Variants in MTA3 observed in about 807,000 individuals in gnomAD.
MTA3 encodes metastasis-associated protein MTA3.
A neutral mutation model predicts 83.5 loss-of-function variants in MTA3; 34 were observed. The ratio of observed to expected loss-of-function variants is 0.41; its 90% CI spans 0.31 to 0.54. MTA3 has a LOEUF of 0.54. MTA3 is among the 20% of genes least tolerant of loss of function. The pLI is 0.33. For missense variants in MTA3, 761 were observed against 726.4 expected, an observed-to-expected ratio of 1.05 and a Z score of -0.55; for synonymous variants, 303 against 252.7, an observed-to-expected ratio of 1.20 and a Z score of -1.89.
chr2:42,560,382 G>A (rs1401176370), intron 2 of MTA3, among the ~76,000 whole-genome samples: 1 of 151,550 alleles, frequency 6.6e-6, no homozygotes, highest in Non-Finnish European at 1.5e-5. Context: ...GGTGGTGGAC[G>A]CCTATAATCT....
chr2:42,629,946 C>A (rs989845871), intron 4 of MTA3, among the ~76,000 whole-genome samples: 1 of 151,894 alleles, frequency 6.6e-6, no homozygotes, highest in African/African-American at 2.4e-5. Flanking sequence ...ACCCGGCTAA[C>A]TTTTTTTGTA....
rs1048513339 is a variant in MTA3 at position 42,719,087 on chromosome 2, T to C, written c.1612+13T>C. 1 of 1,535,042 alleles carries C rather than the reference T, an allele frequency of 6.5e-7. No homozygotes were observed. The highest frequency in any genetic ancestry group is 8.8e-7 in the Non-Finnish European group (1 of 1,132,928). On this transcript the variant is annotated intron_variant, in intron 15 of 16. Transcript: ENST00000405094. Reference sequence around the variant, plus strand: ...ATTGGGTATTTAGGTGGGTATTTTCTAATAGAGGAAAAACTCAAAGAGCAA... The same window carrying C: ...ATTGGGTATTTAGGTGGGTATTTTCCAATAGAGGAAAAACTCAAAGAGCAA...
At chr2:42,709,304 C>T (rs1666401115) in intron 14 of MTA3, 3 of 1,394,122 alleles carry the variant, frequency 2.2e-6, no homozygotes, top group Admixed American at 3.2e-5. Context: ...AACATTGAAA[C>T]TTCTGTACTC....
intron 3 of MTA3, among the ~76,000 whole-genome samples, chr2:42,594,271 A>G (rs1681415274): frequency 7.8e-6 from 1 of 127,776 alleles, no homozygotes; most frequent in African/African-American, 3.0e-5. Context: ...TTTTTAAAAG[A>G]CAGTCCCTAG....
At position 42,708,005 on chromosome 2, in the gene MTA3, T is replaced by C. The variant is rs1163474513; in HGVS notation, c.1253T>C (p.Met418Thr). 6.2e-7 allele frequency: 1 copy of C among 1,613,672 alleles called. No homozygotes were observed. Among genetic ancestry groups the C allele is most frequent in the South Asian group, 1.1e-5 (1 of 91,026 alleles). ...LYWKKYGGLKMPTQSEEEKLS... is the reference protein window; with the variant it reads ...LYWKKYGGLKTPTQSEEEKLS... ...TGGAAAAAATATGGAGGCTTGAAAA[T>C]GCCCACCCAGTCAGAAGAAGAGAAG... The change falls in exon 13 of 17, where the codon ATG becomes ACG. Residue 418 changes from methionine to threonine, a missense_variant. Met to Thr is a moderately conservative substitution (Grantham distance 81). Coordinates refer to ENST00000405094, the MANE Select transcript of MTA3 (RefSeq NM_001330442.2).
At chr2:42,518,130 G>A (rs578186950) in intron 2 of MTA3, among the ~76,000 whole-genome samples, 23 of 151,694 alleles carry the variant, frequency 1.5e-4, no homozygotes, top group African/African-American at 4.6e-4. Context: ...GCAATGAGCC[G>A]AGATCGCACC....
At chr2:42,622,361 G>A (rs1338963066) in intron 4 of MTA3, among the ~76,000 whole-genome samples, 2 of 145,292 alleles carry the variant, frequency 1.4e-5, no homozygotes, top group East Asian at 2.3e-4. Context: ...CAGCAGTACC[G>A]TCCAGCTTCG....
At chr2:42,667,328 G>A (rs1315875817) in intron 8 of MTA3, among the ~76,000 whole-genome samples, 2 of 151,924 alleles carry the variant, frequency 1.3e-5, no homozygotes, top group East Asian at 3.9e-4. Flanking sequence ...CACATTGTTG[G>A]TAACTATTAC....
chr2:42,672,305 G>C (rs1690868423), intron 8 of MTA3, among the ~76,000 whole-genome samples: 1 of 149,618 alleles, frequency 6.7e-6, no homozygotes, highest in South Asian at 2.1e-4. Context: ...AGGAGTTTGA[G>C]ACCAGCCTGA....
chr2:42,710,167 A>G (rs1666478229), intron 14 of MTA3, among the ~76,000 whole-genome samples: 1 of 152,246 alleles, frequency 6.6e-6, no homozygotes, highest in African/African-American at 2.4e-5. Flanking sequence ...ACTGAAAAAA[A>G]CATTTTTTGT....
intron 2 of MTA3, among the ~76,000 whole-genome samples, chr2:42,507,215 A>G (rs750062760): frequency 1.3e-5 from 2 of 152,002 alleles, no homozygotes; most frequent in Non-Finnish European, 1.5e-5. Context: ...TTTGTCTCCC[A>G]GGCTGTAGTA....
At chr2:42,682,299 A>G (rs1692006394) in intron 8 of MTA3, 102 bp from the exon 9 acceptor site, 19 of 778,064 alleles carry the variant, frequency 2.4e-5, no homozygotes, top group Non-Finnish European at 3.4e-5. Context: ...AAATAAGTAT[A>G]TTGTTAATTA....
At chr2:42,618,415 G>T (rs1685164180) in intron 4 of MTA3, among the ~76,000 whole-genome samples, 1 of 152,032 alleles carries the variant, frequency 6.6e-6, no homozygotes, top group South Asian at 2.1e-4. Context: ...TTATGAATAT[G>T]TTCATTTTGC....
chr2:42,652,132 C>G (rs1395838216), intron 6 of MTA3, among the ~76,000 whole-genome samples: 1 of 152,036 alleles, frequency 6.6e-6, no homozygotes, highest in African/African-American at 2.4e-5. Flanking sequence ...ACACAGGTTA[C>G]AGGAGAGCAG....
At chr2:42,634,177 G>A (rs1054040882) in intron 4 of MTA3, among the ~76,000 whole-genome samples, 2 of 152,158 alleles carry the variant, frequency 1.3e-5, no homozygotes, top group Non-Finnish European at 2.9e-5. Context: ...ATGTCCACCA[G>A]TGGTGCCGAG....
chr2:42,688,489 A>C (rs1021885327), intron 9 of MTA3, among the ~76,000 whole-genome samples: 1 of 152,080 alleles, frequency 6.6e-6, no homozygotes, highest in Non-Finnish European at 1.5e-5. Flanking sequence ...GCCTCTTTTC[A>C]TGTGTTTCAT....
chr2:42,534,195 T>C (rs754017701), intron 2 of MTA3, among the ~76,000 whole-genome samples: 1 of 152,182 alleles, frequency 6.6e-6, no homozygotes, highest in African/African-American at 2.4e-5. Context: ...CAGATTTGCA[T>C]AGAGCAGGAA....
chr2:42,524,304 AT>A lies in MTA3; in HGVS notation c.-141+29065del, dbSNP rs1343635418. Among the ~76,000 whole-genome samples, 585 of 144,150 alleles carry A rather than the reference AT, an allele frequency of 4.1e-3. 1 individual carries two copies. The highest frequency in any genetic ancestry group is 9.0e-3 in the African/African-American group (354 of 39,540). 94.6% of individuals were successfully genotyped at this position (144,150 alleles called of 152,430 possible). A position where few individuals can be genotyped will look rare whatever the true frequency, so the allele number is the denominator to read the frequency against. On this transcript the variant is annotated intron_variant, in intron 2 of 17. Transcript: ENST00000405592. ...TTCAATGGTTGCAACCATTATTATT[AT>A]TTTTTTTTTTTTTTAAATGGAGTCT...
chr2:42,539,020 C>T (rs1010669769), intron 2 of MTA3, among the ~76,000 whole-genome samples: 4 of 151,420 alleles, frequency 2.6e-5, no homozygotes, highest in Admixed American at 1.3e-4. Context: ...ATGATCCACC[C>T]GCCTCGGCCT....
Sources: allele counts gnomAD v4.1 joint callset (sites outside exome capture counted in the v4.1 genomes callset), GRCh38; gene constraint gnomAD v4.1.1; transcripts MANE v1.5; gene names NCBI Gene and HGNC (gene_info 2026-07-23, HGNC 2026-07-21).